PDCD6IP: variants seen among roughly 807,000 people sequenced by gnomAD.
The protein encoded by PDCD6IP is programmed cell death 6-interacting protein.
PDCD6IP carries 43 observed loss-of-function variants against 103.7 expected under a neutral mutation model. The ratio of observed to expected loss-of-function variants is 0.41; its 90% CI spans 0.32 to 0.53. The LOEUF is 0.53. Among genes scored for constraint, PDCD6IP ranks in the 20% least tolerant of loss-of-function variants. The pLI, the probability that PDCD6IP is intolerant of heterozygous loss-of-function variation, is 0.16. For synonymous variants in PDCD6IP, 354 were observed against 378.7 expected, an observed-to-expected ratio of 0.93 and a Z score of 0.76; for missense variants, 871 against 1,036.7, an observed-to-expected ratio of 0.84 and a Z score of 2.20.
intron 1 of PDCD6IP, among the ~76,000 whole-genome samples, chr3:33,803,722 A>C (rs903156381): frequency 6.6e-6 from 1 of 152,082 alleles, no homozygotes; most frequent in African/African-American, 2.4e-5. Context: ...AGATTTGCCA[A>C]AGGTTTGGAG....
chr3:33,818,513 C>CTTTTTTT (rs61405380), intron 3 of PDCD6IP, among the ~76,000 whole-genome samples: 27 of 89,274 alleles, frequency 3.0e-4, no homozygotes, highest in South Asian at 4.1e-4. Flanking sequence ...TGATCCCTTG[C>CTTTTTTT]TTTTTTTTTT....
intron 15 of PDCD6IP, among the ~76,000 whole-genome samples, chr3:33,859,498 A>C (rs1171790249): frequency 1.3e-5 from 2 of 152,202 alleles, no homozygotes; most frequent in East Asian, 3.8e-4. Context: ...GTGAACGAGA[A>C]GAAAACCCAA....
chr3:33,802,228 G>A (rs932458874), intron 1 of PDCD6IP, among the ~76,000 whole-genome samples: 6 of 152,076 alleles, frequency 3.9e-5, no homozygotes, highest in Non-Finnish European at 5.9e-5. Context: ...CACGGGGCTC[G>A]CCCTTTAGGG....
chr3:33,803,942 A>G (rs1575895765), intron 1 of PDCD6IP, among the ~76,000 whole-genome samples: 2 of 152,144 alleles, frequency 1.3e-5, no homozygotes, highest in East Asian at 3.8e-4. Context: ...TTTCATTTGT[A>G]AAATGAAGTT....
intron 9 of PDCD6IP, 91 bp downstream of exon 9, chr3:33,838,418 G>A: frequency 8.4e-7 from 1 of 1,185,700 alleles, no homozygotes; most frequent in South Asian, 1.5e-5. Context: ...AGAGCTAAAT[G>A]TCAAGAGTAT....
intron 13 of PDCD6IP, among the ~76,000 whole-genome samples, chr3:33,853,388 A>G (rs1697762147): frequency 6.6e-6 from 1 of 152,222 alleles, no homozygotes; most frequent in Admixed American, 6.5e-5. Flanking sequence ...TGTATGGCTA[A>G]CATACATACA....
At chr3:33,814,789 C>A (rs1193876762) in intron 3 of PDCD6IP, among the ~76,000 whole-genome samples, 1 of 143,288 alleles carries the variant, frequency 7.0e-6, no homozygotes, top group African/African-American at 2.5e-5. Context: ...TATTTGTATA[C>A]ATATATACAT....
At chr3:33,827,008 G>T in intron 6 of PDCD6IP, 1 of 991,688 alleles carries the variant, frequency 1.0e-6, no homozygotes, top group Non-Finnish European at 1.2e-6. Context: ...AAAGAAAAAA[G>T]GAAAAGAAAA....
At chr3:33,799,750 A>G (rs1431350476) in intron 1 of PDCD6IP, among the ~76,000 whole-genome samples, 2 of 152,136 alleles carry the variant, frequency 1.3e-5, no homozygotes, top group Non-Finnish European at 2.9e-5. Flanking sequence ...AGTATATTCT[A>G]CTTGTTTCAC....
intron 1 of PDCD6IP, chr3:33,799,314 C>T: frequency 5.0e-6 from 1 of 198,818 alleles, no homozygotes. Flanking sequence ...CACTGTCTTT[C>T]TTGGGCCACA....
chr3:33,846,462 C>T (rs191497594), intron 12 of PDCD6IP, among the ~76,000 whole-genome samples: 1 of 152,260 alleles, frequency 6.6e-6, no homozygotes, highest in East Asian at 1.9e-4. Flanking sequence ...GAATATTAGT[C>T]ATGTACAAGG....
chr3:33,862,830 A>C (rs1697982887), intron 15 of PDCD6IP, among the ~76,000 whole-genome samples: 1 of 152,158 alleles, frequency 6.6e-6, no homozygotes, highest in Non-Finnish European at 1.5e-5. Flanking sequence ...TGATGTTAGG[A>C]GTTTTTTAAA....
At chr3:33,862,650 A>T (rs188427517) in intron 15 of PDCD6IP, among the ~76,000 whole-genome samples, 45 of 152,328 alleles carry the variant, frequency 3.0e-4, no homozygotes, top group African/African-American at 1.1e-3. Flanking sequence ...TTTCAACGCC[A>T]CATTTCTTTG....
intron 1 of PDCD6IP, among the ~76,000 whole-genome samples, chr3:33,799,695 T>A (rs1696425172): frequency 2.0e-5 from 3 of 152,224 alleles, no homozygotes. Context: ...ATTTTATAGT[T>A]AAACATTTCT....
At chr3:33,847,601 G>A (rs1697622558) in intron 12 of PDCD6IP, among the ~76,000 whole-genome samples, 1 of 152,148 alleles carries the variant, frequency 6.6e-6, no homozygotes, top group African/African-American at 2.4e-5. Flanking sequence ...AAATGTACAT[G>A]TTTTATTAAA....
At chr3:33,814,066 G>C (rs886814838) in intron 3 of PDCD6IP, among the ~76,000 whole-genome samples, 2 of 151,878 alleles carry the variant, frequency 1.3e-5, no homozygotes, top group African/African-American at 4.8e-5. Context: ...TGATCTACCA[G>C]CTCCAGCAAG....
chr3:33,810,482 A>G (rs926771933), intron 1 of PDCD6IP, among the ~76,000 whole-genome samples: 1 of 152,200 alleles, frequency 6.6e-6, no homozygotes, highest in Non-Finnish European at 1.5e-5. Context: ...CATTTCTCTA[A>G]GGAGCACTTG....
intron 1 of PDCD6IP, chr3:33,799,667 A>T (rs1001755543): frequency 5.9e-5 from 9 of 152,234 alleles, no homozygotes; most frequent in African/African-American, 2.2e-4. Flanking sequence ...CTTAATAGTT[A>T]TAAGAACATT....
chr3:33,799,808 A>G (rs1696428193), intron 1 of PDCD6IP, among the ~76,000 whole-genome samples: 1 of 152,186 alleles, frequency 6.6e-6, no homozygotes, highest in Non-Finnish European at 1.5e-5. Context: ...AACCCAGGCT[A>G]AACTAGCTTG....
Sources: gnomAD v4.1 joint callset for allele counts (sites outside exome capture counted in the v4.1 genomes callset) on GRCh38, gnomAD v4.1.1 for gene constraint, MANE v1.5 for transcripts, NCBI Gene and HGNC (gene_info 2026-07-23, HGNC 2026-07-21) for gene names.